FBXL13: variants seen among roughly 807,000 people sequenced by gnomAD.
FBXL13 encodes F-box and leucine-rich repeat protein 13.
In FBXL13, 67 loss-of-function variants were observed where a neutral mutation model predicts 83.6. The observed-to-expected ratio is 0.80, with a 90% CI of 0.66 to 0.98. FBXL13 has a LOEUF of 0.98. Ranked by LOEUF, FBXL13 falls within the 50% of genes least tolerant of loss-of-function variation. The pLI is 0.00. For missense variants in FBXL13, 822 were observed against 866.5 expected (o/e 0.95, Z 0.64); for synonymous variants, 272 against 299.5 (o/e 0.91, Z 0.95).
chr7:102,984,361 T>C (rs2129483781), intron 6 of FBXL13, among the ~76,000 whole-genome samples: 1 of 152,328 alleles, frequency 6.6e-6, no homozygotes, highest in Non-Finnish European at 1.5e-5. Flanking sequence ...TATCTATTTA[T>C]CTACCTATCT....
chr7:102,895,118 T>C (rs1327930668), intron 11 of FBXL13, among the ~76,000 whole-genome samples: 1 of 152,170 alleles, frequency 6.6e-6, no homozygotes, highest in Non-Finnish European at 1.5e-5. Flanking sequence ...GATAATTGAA[T>C]ATGTAGAGAA....
chr7:102,975,706 T>C (rs1240105848), intron 6 of FBXL13, among the ~76,000 whole-genome samples: 2 of 152,194 alleles, frequency 1.3e-5, no homozygotes, highest in African/African-American at 4.8e-5. Context: ...AACCGATATT[T>C]TAAACCTTCA....
At chr7:102,850,851 T>C (rs773171807) in intron 17 of FBXL13, among the ~76,000 whole-genome samples, 2 of 152,152 alleles carry the variant, frequency 1.3e-5, no homozygotes, top group African/African-American at 4.8e-5. Flanking sequence ...TGGTCTAAAA[T>C]TGGGGGAAAT....
At chr7:102,989,399 G>A (rs2129484298) in intron 6 of FBXL13, among the ~76,000 whole-genome samples, 1 of 152,310 alleles carries the variant, frequency 6.6e-6, no homozygotes. Flanking sequence ...AAACATTACT[G>A]CTAATGGAGA....
chr7:103,005,486 A>G (rs972866339), intron 6 of FBXL13, among the ~76,000 whole-genome samples: 12 of 152,210 alleles, frequency 7.9e-5, no homozygotes, highest in Non-Finnish European at 1.5e-4. Flanking sequence ...TAAAAAAAAA[A>G]TACCATAGAC....
intron 14 of FBXL13, among the ~76,000 whole-genome samples, chr7:102,879,315 T>C (rs1809675893): frequency 6.6e-6 from 1 of 152,130 alleles, no homozygotes; most frequent in South Asian, 2.1e-4. Context: ...AACTGAGCAG[T>C]TAAGGCAAAA....
At chr7:102,865,265 TTC>T (rs1807459169) in intron 16 of FBXL13, among the ~76,000 whole-genome samples, 1 of 152,254 alleles carries the variant, frequency 6.6e-6, no homozygotes, top group African/African-American at 2.4e-5. Flanking sequence ...ACATGCTTCT[TTC>T]TGAAAGATTT....
chr7:102,939,383 TG>T (rs1213722597), intron 8 of FBXL13: 85 of 1,517,960 alleles, frequency 5.6e-5, no homozygotes, highest in Non-Finnish European at 7.6e-5. Context: ...ACCGAGGAAA[TG>T]GGGGCAAAAA....
chr7:102,991,559 A>G (rs530317640), intron 6 of FBXL13, among the ~76,000 whole-genome samples: 2 of 152,336 alleles, frequency 1.3e-5, no homozygotes, highest in South Asian at 2.1e-4. Flanking sequence ...AAATCAATAG[A>G]AAGAAAGAAA....
At chr7:103,027,616 A>T (rs1406390786) in intron 4 of FBXL13, 58 bp from the exon 6 acceptor site, 2 of 1,118,086 alleles carry the variant, frequency 1.8e-6, no homozygotes, top group Admixed American at 2.2e-5. Flanking sequence ...TTTCCAAAAA[A>T]CACAAAGTGA....
intron 6 of FBXL13, among the ~76,000 whole-genome samples, chr7:102,976,640 A>G (rs1274610675): frequency 6.6e-6 from 1 of 151,472 alleles, no homozygotes; most frequent in African/African-American, 2.4e-5. Context: ...GCAAAACACC[A>G]CACTCCCGTC....
At chr7:102,902,355 T>G (rs181325106) in intron 11 of FBXL13, among the ~76,000 whole-genome samples, 40 of 152,340 alleles carry the variant, frequency 2.6e-4, no homozygotes, top group Admixed American at 2.6e-3. Context: ...ATGGGTAGTT[T>G]GCAAATATTT....
intron 6 of FBXL13, among the ~76,000 whole-genome samples, chr7:102,971,765 C>A (rs1338990354): frequency 6.6e-6 from 1 of 152,116 alleles, no homozygotes; most frequent in Non-Finnish European, 1.5e-5. Flanking sequence ...GTGGCTCATG[C>A]CCGTAATCCC....
rs376295741 is a variant in FBXL13 at position 102,861,501 on chromosome 7, T to C, written c.1636-6641A>G. 2.0e-5 allele frequency among the ~76,000 whole-genome samples: 3 copies of C among 152,308 alleles called. No homozygotes were observed. In the East Asian group the frequency reaches 5.8e-4, roughly 29 times the overall value. On this transcript the variant is annotated intron_variant, in intron 16 of 19. Coordinates refer to ENST00000313221, the Ensembl canonical transcript of FBXL13. ...GTTGTTCCACAACTGGTGATGCTGT[T>C]GGGCCACTTGGTTCAGAAGATGACT...
At chr7:102,989,915 ATACTTC>A (rs1184553001) in intron 6 of FBXL13, among the ~76,000 whole-genome samples, 1 of 152,202 alleles carries the variant, frequency 6.6e-6, no homozygotes, top group East Asian at 1.9e-4. Context: ...TACTTTTCAG[ATACTTC>A]TAGGACCTTC....
intron 6 of FBXL13, among the ~76,000 whole-genome samples, chr7:103,003,395 C>A (rs1790643205): frequency 7.1e-6 from 1 of 141,236 alleles, no homozygotes; most frequent in Non-Finnish European, 1.5e-5. Flanking sequence ...TCAAGCAATT[C>A]TCCTGCCTCA....
At chr7:102,915,304 G>A (rs1009080852) in intron 10 of FBXL13, among the ~76,000 whole-genome samples, 2 of 151,788 alleles carry the variant, frequency 1.3e-5, no homozygotes, top group East Asian at 1.9e-4. Flanking sequence ...AATCAAAATC[G>A]GCAGGGACAT....
At chr7:102,894,093 G>C (rs1467776463) in intron 11 of FBXL13, among the ~76,000 whole-genome samples, 1 of 152,146 alleles carries the variant, frequency 6.6e-6, no homozygotes, top group Non-Finnish European at 1.5e-5. Context: ...ATTCAATTTG[G>C]CTAGTACATT....
intron 6 of FBXL13, among the ~76,000 whole-genome samples, chr7:102,975,189 T>C (rs750820767): frequency 2.6e-5 from 4 of 152,208 alleles, no homozygotes; most frequent in East Asian, 1.9e-4. Flanking sequence ...TAGCAGGAAC[T>C]GGAGGCATTG....
Sources: gnomAD v4.1 joint callset for allele counts (sites outside exome capture counted in the v4.1 genomes callset) on GRCh38, gnomAD v4.1.1 for gene constraint, MANE v1.5 for transcripts, NCBI Gene and HGNC (gene_info 2026-07-23, HGNC 2026-07-21) for gene names.